Variants in JAKMIP2 observed in about 807,000 individuals in gnomAD.
JAKMIP2 encodes the protein janus kinase and microtubule-interacting protein 2.
JAKMIP2 carries 25 observed loss-of-function variants against 115.0 expected under a neutral mutation model. The observed-to-expected ratio is 0.22, with a 90% CI of 0.16 to 0.30. The LOEUF is 0.30. JAKMIP2 is among the 10% of genes least tolerant of loss of function. The probability of loss-of-function intolerance (pLI) is 1.00; values close to 1 mark genes in which losing one functional copy is unlikely to be tolerated. For synonymous variants in JAKMIP2, 334 were observed against 343.6 expected (o/e 0.97, Z 0.31); for missense variants, 642 against 957.6 (o/e 0.67, Z 4.35).
chr5:147,702,664 GAGAGAGAAAGAA>G (rs1752416378), intron 1 of JAKMIP2, among the ~76,000 whole-genome samples: 1 of 101,098 alleles, frequency 9.9e-6, no homozygotes, highest in Non-Finnish European at 1.8e-5. Flanking sequence ...AAGAAAGAAA[GAGAGAGAAAGAA>G]AGAGAAAGAA....
intron 1 of JAKMIP2, 136 bp from the exon 2 acceptor site, chr5:147,672,090 T>C (rs1581390265): frequency 5.3e-6 from 2 of 378,080 alleles, no homozygotes; most frequent in South Asian, 1.2e-4. Context: ...CCTGTCCACT[T>C]GTACGTGAGT....
chr5:147,711,726 G>A (rs1193913429), intron 1 of JAKMIP2, among the ~76,000 whole-genome samples: 1 of 152,198 alleles, frequency 6.6e-6, no homozygotes, highest in African/African-American at 2.4e-5. Context: ...GGAGTACAGT[G>A]GAGGTATCTT....
intron 1 of JAKMIP2, among the ~76,000 whole-genome samples, chr5:147,775,395 C>CATATAACT (rs771191914): frequency 5.9e-5 from 9 of 152,126 alleles, no homozygotes; most frequent in Non-Finnish European, 1.2e-4. Context: ...GAGTGTGTAT[C>CATATAACT]ATATAACTTG....
At chr5:147,759,479 T>C (rs1754856913) in intron 1 of JAKMIP2, among the ~76,000 whole-genome samples, 1 of 151,964 alleles carries the variant, frequency 6.6e-6, no homozygotes, top group African/African-American at 2.4e-5. Flanking sequence ...TTCAGGGATA[T>C]GAAAATGAAC....
At chr5:147,606,633 T>C (rs1756029272) in intron 20 of JAKMIP2, among the ~76,000 whole-genome samples, 1 of 152,214 alleles carries the variant, frequency 6.6e-6, no homozygotes, top group Non-Finnish European at 1.5e-5. Context: ...TCCAGCTTTG[T>C]TCTTTTTGCT....
At chr5:147,612,270 A>G (rs1391943617) in intron 20 of JAKMIP2, 36 bp downstream of exon 20, 31 of 1,303,878 alleles carry the variant, frequency 2.4e-5, no homozygotes, top group Non-Finnish European at 3.2e-5. Flanking sequence ...TTCTGATTAA[A>G]CAAATAATAA....
chr5:147,740,566 C>G lies in JAKMIP2; in HGVS notation c.-149+41890G>C, dbSNP rs1159629241. On this transcript the variant is annotated intron_variant, in intron 1 of 21. Transcript: ENST00000616793. ...CCCAAGGGCCTTCCCCATTGCTACT[C>G]AGCACACTTGAATTTCCATAAACTT... Among the ~76,000 whole-genome samples the G allele has an allele frequency of 2.0e-5, 3 of 152,306 alleles. No individual in the cohort carries two copies. In the South Asian group the frequency reaches 6.2e-4, roughly 32 times the overall value.
intron 14 of JAKMIP2, among the ~76,000 whole-genome samples, chr5:147,629,991 T>C (rs954484006): frequency 6.6e-6 from 1 of 152,164 alleles, no homozygotes; most frequent in African/African-American, 2.4e-5. Context: ...TCCTACTTCA[T>C]AGGCTGAGCT....
chr5:147,758,770 A>G (rs1754832507), intron 1 of JAKMIP2, among the ~76,000 whole-genome samples: 1 of 152,082 alleles, frequency 6.6e-6, no homozygotes. Flanking sequence ...TATACAATGA[A>G]ATCCCCACTA....
At chr5:147,683,722 T>G (rs1760428238) in intron 1 of JAKMIP2, among the ~76,000 whole-genome samples, 1 of 152,202 alleles carries the variant, frequency 6.6e-6, no homozygotes, top group African/African-American at 2.4e-5. Context: ...AAAGCCACCT[T>G]TTCAAGGTGT....
chr5:147,601,593 A>G, intron 21 of JAKMIP2, 148 bp downstream of exon 21: 5 of 492,308 alleles, frequency 1.0e-5, no homozygotes, highest in Non-Finnish European at 1.1e-5. Context: ...ACAGAACAAG[A>G]CTCTGTCTCA....
chr5:147,753,166 C>T (rs1413334292), intron 1 of JAKMIP2, among the ~76,000 whole-genome samples: 1 of 152,074 alleles, frequency 6.6e-6, no homozygotes, highest in Non-Finnish European at 1.5e-5. Flanking sequence ...CCGTCTCTAC[C>T]CCAGCACCTG....
intron 1 of JAKMIP2, among the ~76,000 whole-genome samples, chr5:147,764,288 T>C (rs1755031518): frequency 6.6e-6 from 1 of 152,072 alleles, no homozygotes; most frequent in Non-Finnish European, 1.5e-5. Flanking sequence ...AATGAGAACA[T>C]GTGAAACAAG....
chr5:147,667,313 C>G (rs1253312675), intron 2 of JAKMIP2, among the ~76,000 whole-genome samples: 1 of 152,194 alleles, frequency 6.6e-6, no homozygotes, highest in African/African-American at 2.4e-5. Context: ...TACACTATGA[C>G]AGGGAAAAAA....
rs1049121636 is a variant in JAKMIP2 at position 147,589,554 on chromosome 5, G to A, written c.*2153C>T. 1.3e-5 allele frequency: 2 copies of A among 152,054 alleles called. No individual in the cohort carries two copies. The highest frequency in any genetic ancestry group is 4.8e-5 in the African/African-American group (2 of 41,388). The allele number at this position is 152,054 out of a possible 1,614,324, so 9.4% of individuals were successfully genotyped here. On this transcript the variant is annotated 3_prime_UTR_variant, in exon 22 of 22. Coordinates refer to ENST00000616793, the MANE Select transcript of JAKMIP2 (RefSeq NM_001270941.2). ...AATAAAAGATAATCAAGCTAATTAT[G>A]TGATACTGTCAGTTTGCTCCAAGCC... is the stretch of plus-strand genomic sequence containing the variant.
chr5:147,646,362 C>T (rs1274551950), intron 5 of JAKMIP2, among the ~76,000 whole-genome samples: 2 of 152,068 alleles, frequency 1.3e-5, no homozygotes, highest in Non-Finnish European at 1.5e-5. Context: ...TTAAATATTG[C>T]ATACATATAA....
chr5:147,610,965 A>T (rs1756286862), intron 20 of JAKMIP2, among the ~76,000 whole-genome samples: 1 of 152,104 alleles, frequency 6.6e-6, no homozygotes, highest in Admixed American at 6.6e-5. Context: ...GAACTTTCCC[A>T]TGGCTTTGTT....
intron 1 of JAKMIP2, among the ~76,000 whole-genome samples, chr5:147,719,098 G>C (rs879457980): frequency 3.0e-5 from 4 of 134,776 alleles, no homozygotes. Context: ...CCTTCATTTC[G>C]TTATGTACCC....
At chr5:147,742,139 T>TTTTATATATATATATATATA (rs1212527975) in intron 1 of JAKMIP2, among the ~76,000 whole-genome samples, 1 of 98,232 alleles carries the variant, frequency 1.0e-5, no homozygotes, top group South Asian at 3.7e-4. Flanking sequence ...CTGTGGATCA[T>TTTTATATATATATATATATA]TATATATATA....
Sources: allele counts gnomAD v4.1 joint callset (sites outside exome capture counted in the v4.1 genomes callset), GRCh38; gene constraint gnomAD v4.1.1; transcripts MANE v1.5; gene names NCBI Gene and HGNC (gene_info 2026-07-23, HGNC 2026-07-21).